Variants in CAST observed in about 807,000 individuals in gnomAD.
The protein encoded by CAST is MIR583 host.
CAST carries 76 observed loss-of-function variants against 119.6 expected under a neutral mutation model. The ratio of observed to expected loss-of-function variants is 0.64; its 90% CI spans 0.53 to 0.77. The LOEUF (loss-of-function observed/expected upper bound fraction) is 0.77, where lower values mean the gene tolerates loss of function less well. Ranked by LOEUF, CAST falls within the 30% of genes least tolerant of loss-of-function variation. CAST has a pLI of 0.00. For missense variants in CAST, 953 were observed against 946.5 expected (o/e 1.01, Z -0.09); for synonymous variants, 319 against 331.6 (o/e 0.96, Z 0.41).
chr5:96,206,924 T>C, the CAST span, among the ~76,000 whole-genome samples: 2 of 152,186 alleles, frequency 1.3e-5, no homozygotes, highest in Non-Finnish European at 2.9e-5. Flanking sequence ...ATATTGATTC[T>C]TCCTATCCAT....
the CAST span, among the ~76,000 whole-genome samples, chr5:96,468,304 C>T: frequency 2.6e-5 from 4 of 151,860 alleles, no homozygotes; most frequent in Admixed American, 6.6e-5. Flanking sequence ...GTGACAGGTG[C>T]GCTAAAATCT....
intron 1 of CAST, among the ~76,000 whole-genome samples, chr5:96,639,598 C>T (rs155054): frequency 0.48 from 72,453 of 152,004 alleles, 17,749 homozygotes; most frequent in East Asian, 0.65. Context: ...CAAGGGAGCT[C>T]GTAGACAAGT....
At chr5:96,434,289 C>G in the CAST span, 1 of 152,250 alleles carries the variant, frequency 6.6e-6, no homozygotes, top group East Asian at 1.9e-4. Flanking sequence ...TTGAACCTGG[C>G]GGGAGATACC....
the CAST span, among the ~76,000 whole-genome samples, chr5:96,514,852 A>T: frequency 6.6e-6 from 1 of 152,288 alleles, no homozygotes; most frequent in East Asian, 1.9e-4. Flanking sequence ...CCAGGGTTCA[A>T]GCGATTCTCA....
the CAST span, among the ~76,000 whole-genome samples, chr5:96,176,036 G>A: frequency 1.3e-5 from 2 of 152,160 alleles, no homozygotes; most frequent in African/African-American, 4.8e-5. Context: ...CTAAGGGCTC[G>A]TCTAGCTCTA....
the CAST span, chr5:96,318,722 C>T: frequency 6.6e-6 from 1 of 152,124 alleles, no homozygotes; most frequent in South Asian, 2.1e-4. Context: ...ACTGACATAT[C>T]ACTCCGCACT....
the CAST span, among the ~76,000 whole-genome samples, chr5:96,482,188 A>G: frequency 6.6e-6 from 1 of 152,116 alleles, no homozygotes; most frequent in Non-Finnish European, 1.5e-5. Flanking sequence ...CCCTGGAAGC[A>G]ATCTGTCAAT....
chr5:96,764,436 C>T (rs1769091889), intron 25 of CAST, among the ~76,000 whole-genome samples: 2 of 152,034 alleles, frequency 1.3e-5, no homozygotes, highest in Admixed American at 1.3e-4. Flanking sequence ...TAATTTTTTT[C>T]CTCTAGAATA....
At chr5:96,700,450 C>T (rs1172060338) in intron 3 of CAST, among the ~76,000 whole-genome samples, 3 of 152,108 alleles carry the variant, frequency 2.0e-5, no homozygotes, top group Non-Finnish European at 4.4e-5. Flanking sequence ...AGCAGTAATT[C>T]TCACCTTTTA....
the CAST span, among the ~76,000 whole-genome samples, chr5:96,364,086 A>T: frequency 6.6e-6 from 1 of 152,166 alleles, no homozygotes; most frequent in Non-Finnish European, 1.5e-5. Flanking sequence ...ATCTATTGAG[A>T]TAATCATCTG....
At chr5:96,401,270 G>A in the CAST span, among the ~76,000 whole-genome samples, 4 of 152,124 alleles carry the variant, frequency 2.6e-5, no homozygotes, top group African/African-American at 9.7e-5. Context: ...TATTTGAGCT[G>A]GACTTTGACA....
At chr5:96,223,418 A>G in the CAST span, among the ~76,000 whole-genome samples, 1 of 152,180 alleles carries the variant, frequency 6.6e-6, no homozygotes, top group East Asian at 1.9e-4. Flanking sequence ...ATGTATCAAT[A>G]AAGAAAAAAA....
chr5:96,650,098 A>G (rs1425987051), intron 1 of CAST, among the ~76,000 whole-genome samples: 1 of 152,238 alleles, frequency 6.6e-6, no homozygotes, highest in East Asian at 1.9e-4. Context: ...TTTGCAGCCA[A>G]GCTTTCAGCC....
the CAST span, among the ~76,000 whole-genome samples, chr5:96,368,500 TAAAA>T: frequency 1.5e-5 from 2 of 133,216 alleles, no homozygotes; most frequent in Non-Finnish European, 3.2e-5. Context: ...AAACTCCATC[TAAAA>T]AAAAAAAAAA....
At chr5:96,670,607 C>T (rs1319962477) in intron 1 of CAST, among the ~76,000 whole-genome samples, 1 of 152,178 alleles carries the variant, frequency 6.6e-6, no homozygotes, top group African/African-American at 2.4e-5. Context: ...AAGTAATTCT[C>T]CTGCCTCAGC....
the CAST span, among the ~76,000 whole-genome samples, chr5:96,398,618 T>A: frequency 2.0e-5 from 3 of 152,200 alleles, no homozygotes; most frequent in Non-Finnish European, 4.4e-5. Context: ...GTAAACAGTT[T>A]GAAAATGCAT....
chr5:96,133,253 C>T, the CAST span, among the ~76,000 whole-genome samples: 3 of 151,612 alleles, frequency 2.0e-5, no homozygotes, highest in African/African-American at 7.3e-5. Context: ...GCTTAAAGAC[C>T]ACTTTTGGTT....
intron 1 of CAST, among the ~76,000 whole-genome samples, chr5:96,615,645 T>A (rs1747441303): frequency 1.3e-5 from 2 of 152,014 alleles, no homozygotes; most frequent in Non-Finnish European, 2.9e-5. Context: ...TGGAGGTGTA[T>A]GGTAGTGAGT....
chr5:96,183,260 C>T, the CAST span, among the ~76,000 whole-genome samples: 1 of 150,610 alleles, frequency 6.6e-6, no homozygotes, highest in Non-Finnish European at 1.5e-5. Flanking sequence ...AAAACATTTC[C>T]TATGTTTGCT....
Sources: gnomAD v4.1 joint callset for allele counts (sites outside exome capture counted in the v4.1 genomes callset) on GRCh38, gnomAD v4.1.1 for gene constraint, MANE v1.5 for transcripts, NCBI Gene and HGNC (gene_info 2026-07-23, HGNC 2026-07-21) for gene names.